Variants in HECW2 observed in about 807,000 individuals in gnomAD.
HECW2 encodes the protein E3 ubiquitin-protein ligase HECW2.
A neutral mutation model predicts 175.2 loss-of-function variants in HECW2; 61 were observed. That is an observed-to-expected ratio of 0.35 (90% confidence interval 0.28 to 0.43). The LOEUF is 0.43. Ranked by LOEUF, HECW2 falls within the 20% of genes least tolerant of loss-of-function variation. The pLI, the probability that HECW2 is intolerant of heterozygous loss-of-function variation, is 1.00. For missense variants in HECW2, 1,524 were observed against 2,000.5 expected (o/e 0.76, Z 4.54); for synonymous variants, 671 against 731.0 (o/e 0.92, Z 1.32).
intron 2 of HECW2, 21 bp from the exon 3 acceptor site, chr2:196,343,785 C>G: frequency 1.4e-6 from 2 of 1,441,296 alleles, no homozygotes; most frequent in South Asian, 2.3e-5. Context: ...CAAAGAAACA[C>G]TTTTCAGATT....
At chr2:196,548,679 T>C (rs1169971793) in intron 1 of HECW2, among the ~76,000 whole-genome samples, 1 of 152,192 alleles carries the variant, frequency 6.6e-6, no homozygotes, top group East Asian at 1.9e-4. Context: ...CCATAAGAAA[T>C]ACCACAGCCT....
chr2:196,291,082 G>C (rs1353492014), intron 14 of HECW2: 2 of 152,136 alleles, frequency 1.3e-5, no homozygotes, highest in Non-Finnish European at 2.9e-5. Flanking sequence ...AGATTCTCAG[G>C]TAATATTGCT....
chr2:196,246,306 C>A (rs1360437554), intron 19 of HECW2, among the ~76,000 whole-genome samples: 2 of 152,102 alleles, frequency 1.3e-5, no homozygotes, highest in African/African-American at 2.4e-5. Flanking sequence ...AATGAATCAA[C>A]TTTCAAGAGC....
At chr2:196,254,930 C>T (rs1373492430) in intron 18 of HECW2, among the ~76,000 whole-genome samples, 1 of 149,080 alleles carries the variant, frequency 6.7e-6, no homozygotes, top group Non-Finnish European at 1.5e-5. Flanking sequence ...ATTGGGTTCT[C>T]TTCTTTTAAA....
At chr2:196,338,273 AAAG>A (rs1212318819) in intron 3 of HECW2, among the ~76,000 whole-genome samples, 2 of 152,298 alleles carry the variant, frequency 1.3e-5, no homozygotes, top group African/African-American at 2.4e-5. Flanking sequence ...CACCTGTTTA[AAAG>A]AAGAATACAT....
At position 196,580,830 on chromosome 2, in the gene HECW2, A is replaced by G. The variant is rs2125527550; in HGVS notation, c.-36+12678T>C. Among the ~76,000 whole-genome samples the G allele has an allele frequency of 1.3e-5, 2 of 152,318 alleles. 1 individual carries two copies. The highest frequency in any genetic ancestry group is 4.1e-4 in the South Asian group (2 of 4,830). On this transcript the variant is annotated intron_variant, in intron 1 of 28. Transcript: ENST00000644978. ...AAAAGAACTAAAAACATACATCCAC[A>G]CAAAAACTTTTACATAAATGTTCAT...
At chr2:196,215,822 A>G in intron 28 of HECW2, 43 bp downstream of exon 28, 3 of 1,366,444 alleles carry the variant, frequency 2.2e-6, no homozygotes, top group Non-Finnish European at 3.1e-6. Flanking sequence ...GAATGTCTCC[A>G]CCAAATGTTG....
chr2:196,441,167 T>G (rs1696029274), intron 1 of HECW2, among the ~76,000 whole-genome samples: 2 of 152,160 alleles, frequency 1.3e-5, no homozygotes, highest in Admixed American at 1.3e-4. Context: ...ATAGTTTTGC[T>G]AAAGAATCTG....
chr2:196,271,488 A>C (rs1689736512), intron 16 of HECW2, among the ~76,000 whole-genome samples, 199 bp from the exon 17 acceptor site: 1 of 151,938 alleles, frequency 6.6e-6, no homozygotes, highest in Non-Finnish European at 1.5e-5. Flanking sequence ...GGGTTTTGCC[A>C]TGTTGGCCAG....
chr2:196,393,383 A>G (rs146162070), intron 2 of HECW2, among the ~76,000 whole-genome samples: 10,265 of 152,292 alleles, frequency 0.067, 397 homozygotes, highest in South Asian at 0.1. Flanking sequence ...AATGGGAGAA[A>G]ATTTTTACAA....
intron 2 of HECW2, among the ~76,000 whole-genome samples, chr2:196,421,143 T>C (rs181493282): frequency 1.1e-4 from 17 of 152,174 alleles, no homozygotes; most frequent in East Asian, 5.8e-4. Flanking sequence ...ATCATTTCCA[T>C]TGAGGGTATA....
chr2:196,403,057 T>G (rs1403119886), intron 2 of HECW2, among the ~76,000 whole-genome samples: 1 of 152,166 alleles, frequency 6.6e-6, no homozygotes, highest in Non-Finnish European at 1.5e-5. Context: ...TCCGCCCACC[T>G]TGGCCTCCCA....
At chr2:196,483,888 GA>G (rs1229985245) in intron 1 of HECW2, among the ~76,000 whole-genome samples, 1 of 152,290 alleles carries the variant, frequency 6.6e-6, no homozygotes, top group African/African-American at 2.4e-5. Context: ...TGAATCTTTT[GA>G]GGGGGAAAAA....
At chr2:196,376,794 T>C (rs544673141) in intron 2 of HECW2, among the ~76,000 whole-genome samples, 4 of 151,630 alleles carry the variant, frequency 2.6e-5, no homozygotes, top group South Asian at 2.1e-4. Flanking sequence ...ATTAGCCAGG[T>C]GTGGTGGCAT....
intron 5 of HECW2, among the ~76,000 whole-genome samples, chr2:196,328,054 C>T (rs985470650): frequency 4.0e-5 from 3 of 74,886 alleles, no homozygotes; most frequent in African/African-American, 9.5e-5. Flanking sequence ...TCATGCTGTA[C>T]ACCATAAAAA....
intron 1 of HECW2, among the ~76,000 whole-genome samples, chr2:196,506,078 T>C (rs960757008): frequency 3.3e-4 from 50 of 152,114 alleles, no homozygotes; most frequent in African/African-American, 1.2e-3. Context: ...AGTGCTCAGC[T>C]AGTTCAAGTT....
At chr2:196,324,009 A>T (rs2105774520) in intron 6 of HECW2, among the ~76,000 whole-genome samples, 1 of 150,614 alleles carries the variant, frequency 6.6e-6, no homozygotes, top group East Asian at 2.0e-4. Context: ...ATCTAAAACC[A>T]TAGGAACTGC....
chr2:196,282,403 T>C (rs1690222091), intron 14 of HECW2, among the ~76,000 whole-genome samples: 1 of 152,178 alleles, frequency 6.6e-6, no homozygotes, highest in Non-Finnish European at 1.5e-5. Context: ...GAGTGGCCAA[T>C]GGCTTGTGAC....
intron 1 of HECW2, among the ~76,000 whole-genome samples, chr2:196,499,889 T>G (rs1221058337): frequency 2.0e-5 from 3 of 152,204 alleles, no homozygotes; most frequent in Non-Finnish European, 2.9e-5. Flanking sequence ...TGAATCATTC[T>G]GAGTTAATGA....
Sources: allele counts gnomAD v4.1 joint callset (sites outside exome capture counted in the v4.1 genomes callset), GRCh38; gene constraint gnomAD v4.1.1; transcripts MANE v1.5; gene names NCBI Gene and HGNC (gene_info 2026-07-23, HGNC 2026-07-21).